The following RAB27A variants were observed in gnomAD, a reference collection of about 807,000 sequenced individuals.
The protein encoded by RAB27A is RAB27A, member RAS oncogene family, also known as ras-related protein Rab-27A.
A neutral mutation model predicts 20.8 loss-of-function variants in RAB27A; 17 were observed. That is an observed-to-expected ratio of 0.82 (90% CI 0.56 to 1.23). The LOEUF is 1.23. Among genes scored for constraint, RAB27A ranks in the 50% most tolerant of loss-of-function variants. The pLI, the probability that RAB27A is intolerant of heterozygous loss-of-function variation, is 0.00. For missense variants in RAB27A, 277 were observed against 266.7 expected (o/e 1.04, Z -0.27); for synonymous variants, 85 against 92.8 (o/e 0.92, Z 0.48).
At chr15:55,244,290 G>A (rs1417742274) in intron 2 of RAB27A, among the ~76,000 whole-genome samples, 1 of 152,062 alleles carries the variant, frequency 6.6e-6, no homozygotes, top group African/African-American at 2.4e-5. Context: ...ATTCCGGCCT[G>A]GGAGACAGAG....
At chr15:55,279,488 G>A (rs1897959303) in intron 1 of RAB27A, among the ~76,000 whole-genome samples, 2 of 152,190 alleles carry the variant, frequency 1.3e-5, no homozygotes, top group South Asian at 4.1e-4. Context: ...AAGTTTGTAA[G>A]CCACTGTTCT....
intron 2 of RAB27A, among the ~76,000 whole-genome samples, chr15:55,263,802 G>A (rs1332562059): frequency 7.2e-5 from 11 of 152,096 alleles, no homozygotes; most frequent in Non-Finnish European, 1.2e-4. Context: ...CCTAAAGTCT[G>A]TATTTCATTT....
chr15:55,218,962 G>A (rs551818277), intron 6 of RAB27A, among the ~76,000 whole-genome samples: 2 of 152,066 alleles, frequency 1.3e-5, no homozygotes, highest in South Asian at 2.1e-4. Context: ...GGCTGGTCTC[G>A]AACTCCTGAG....
intron 2 of RAB27A, among the ~76,000 whole-genome samples, chr15:55,306,438 G>T (rs1249164096): frequency 6.6e-6 from 1 of 152,180 alleles, no homozygotes; most frequent in African/African-American, 2.4e-5. Flanking sequence ...GAGAGATCTA[G>T]TCCTTTGTAG....
intron 1 of RAB27A, among the ~76,000 whole-genome samples, chr15:55,272,767 A>T (rs963420617): frequency 1.3e-5 from 2 of 152,182 alleles, no homozygotes; most frequent in Non-Finnish European, 2.9e-5. Context: ...GAAGCAACAA[A>T]ATGGTAGAAG....
intron 2 of RAB27A, among the ~76,000 whole-genome samples, chr15:55,251,153 C>T (rs1464245003): frequency 6.6e-6 from 1 of 152,230 alleles, no homozygotes; most frequent in African/African-American, 2.4e-5. Context: ...ATCTGCCACA[C>T]TCTTTTATTC....
intron 1 of RAB27A, among the ~76,000 whole-genome samples, chr15:55,318,213 T>G (rs1165727116): frequency 6.7e-6 from 1 of 150,306 alleles, no homozygotes; most frequent in African/African-American, 2.4e-5. Flanking sequence ...TTCTCCTACC[T>G]CAGCCTCCCG....
At chr15:55,260,545 G>T (rs10851587) in intron 2 of RAB27A, among the ~76,000 whole-genome samples, 150,710 of 152,354 alleles carry the variant, frequency 0.99, 74,553 homozygotes, top group East Asian at 1. Context: ...CAAGATGTTC[G>T]TCAGTAGATG....
chr15:55,289,256 A>G (rs1029730453), intron 1 of RAB27A: 5 of 152,450 alleles, frequency 3.3e-5, no homozygotes. Context: ...TTTCAGTCTA[A>G]CTGACAGGAG....
Position 55,210,027 on chromosome 15 carries a change from T to C in RAB27A, c.468-4322A>G, listed in dbSNP as rs560963499. 1.2e-3 allele frequency among the ~76,000 whole-genome samples: 176 copies of C among 143,208 alleles called. 4 individuals carry two copies. Among genetic ancestry groups the C allele is most frequent in the South Asian group, 5.9e-3 (27 of 4,584 alleles). 94.0% of individuals were successfully genotyped at this position (143,208 alleles called of 152,430 possible). ...GTGTACATGTACATATATACGCATA[T>C]ATATGTGTGTGTACATGTACATATA... is the stretch of plus-strand genomic sequence containing the variant. On this transcript the variant is annotated intron_variant, in intron 6 of 6. Coordinates refer to ENST00000336787, the MANE Select transcript of RAB27A (RefSeq NM_183235.3).
rs1030118095 is a variant in RAB27A at position 55,205,380 on chromosome 15, G to T, written c.*127C>A. 3.2e-6 allele frequency: 3 copies of T among 935,090 alleles called. No individual in the cohort carries two copies. 57.9% of individuals were successfully genotyped at this position (935,090 alleles called of 1,614,324 possible). ...TTAGAACCGGATGCTTTATTCGTAG[G>T]TCTAATGGGGATGGTGAGAAGCAAT... On this transcript the variant is annotated 3_prime_UTR_variant, in exon 7 of 7. Coordinates refer to ENST00000336787, the MANE Select transcript of RAB27A (RefSeq NM_183235.3).
intron 2 of RAB27A, among the ~76,000 whole-genome samples, chr15:55,266,094 T>A (rs1358790521): frequency 1.3e-5 from 2 of 152,196 alleles, no homozygotes; most frequent in Non-Finnish European, 1.5e-5. Flanking sequence ...TGAAATCTAA[T>A]CCCCAATGTG....
intron 2 of RAB27A, among the ~76,000 whole-genome samples, chr15:55,237,686 A>G (rs1264750257): frequency 6.6e-6 from 1 of 152,166 alleles, no homozygotes; most frequent in African/African-American, 2.4e-5. Context: ...AAGTCCAGAT[A>G]ATGTTGACTC....
intron 2 of RAB27A, among the ~76,000 whole-genome samples, chr15:55,266,485 A>T (rs565445875): frequency 7.2e-5 from 11 of 152,360 alleles, no homozygotes; most frequent in Admixed American, 7.2e-4. Flanking sequence ...TTTAGGAGGT[A>T]GAAATCAATA....
intron 1 of RAB27A, among the ~76,000 whole-genome samples, chr15:55,285,767 G>A (rs1898135593): frequency 6.6e-6 from 1 of 152,152 alleles, no homozygotes; most frequent in African/African-American, 2.4e-5. Flanking sequence ...CGTTTCTATT[G>A]AATAAATAAA....
chr15:55,239,221 A>T (rs935330329), intron 2 of RAB27A, among the ~76,000 whole-genome samples: 2 of 152,200 alleles, frequency 1.3e-5, no homozygotes, highest in Admixed American at 6.5e-5. Context: ...AACTAGTTTG[A>T]TAACTATAGT....
intron 2 of RAB27A, among the ~76,000 whole-genome samples, chr15:55,294,934 T>C (rs968854686): frequency 6.6e-6 from 1 of 152,146 alleles, no homozygotes; most frequent in Admixed American, 6.5e-5. Context: ...TTGCAAATCA[T>C]ATATATCTGA....
chr15:55,207,777 A>C (rs1359811843), intron 6 of RAB27A, among the ~76,000 whole-genome samples: 1 of 152,000 alleles, frequency 6.6e-6, no homozygotes, highest in Non-Finnish European at 1.5e-5. Flanking sequence ...CTGCCTCCCA[A>C]GTTCAAGCGA....
chr15:55,277,237 T>A (rs578262369), intron 1 of RAB27A, among the ~76,000 whole-genome samples: 1 of 152,310 alleles, frequency 6.6e-6, no homozygotes, highest in South Asian at 2.1e-4. Flanking sequence ...ACTAGATGTA[T>A]AAACTACTGC....
Sources: gnomAD v4.1 joint callset for allele counts (sites outside exome capture counted in the v4.1 genomes callset) on GRCh38, gnomAD v4.1.1 for gene constraint, MANE v1.5 for transcripts, NCBI Gene and HGNC (gene_info 2026-07-23, HGNC 2026-07-21) for gene names.